FAM118A: variants seen among roughly 807,000 people sequenced by gnomAD.
FAM118A encodes SIR2 antiphage like 2, also known as protein FAM118A.
A neutral mutation model predicts 38.2 loss-of-function variants in FAM118A; 25 were observed. That is an observed-to-expected ratio of 0.65 (90% CI 0.48 to 0.91). FAM118A has a LOEUF of 0.91. Ranked by LOEUF, FAM118A falls within the 40% of genes least tolerant of loss-of-function variation. FAM118A has a pLI of 0.00. For missense variants in FAM118A, 425 were observed against 463.3 expected, an observed-to-expected ratio of 0.92 and a Z score of 0.76; for synonymous variants, 178 against 184.1, an observed-to-expected ratio of 0.97 and a Z score of 0.27.
intron 1 of FAM118A, among the ~76,000 whole-genome samples, chr22:45,312,860 T>G (rs908478037): frequency 6.6e-6 from 1 of 152,198 alleles, no homozygotes; most frequent in African/African-American, 2.4e-5. Context: ...TGTATTTATC[T>G]CTCAGGAAGC....
intron 6 of FAM118A, 34 bp downstream of exon 6, chr22:45,332,744 CTTTTTTCTTTT>C: frequency 6.8e-7 from 1 of 1,475,594 alleles, no homozygotes; most frequent in Non-Finnish European, 8.9e-7. Context: ...CTTTTTCTTT[CTTTTTTCTTTT>C]TTTTTTTTGA....
intron 1 of FAM118A, among the ~76,000 whole-genome samples, chr22:45,318,025 A>G (rs2146603649): frequency 6.6e-6 from 1 of 152,304 alleles, no homozygotes; most frequent in East Asian, 1.9e-4. Flanking sequence ...GTTGTGAGGT[A>G]CTTTGTTTTA....
chr22:45,325,771 G>A (rs2085217479), intron 3 of FAM118A, among the ~76,000 whole-genome samples: 1 of 152,152 alleles, frequency 6.6e-6, no homozygotes, highest in South Asian at 2.1e-4. Context: ...CATCCAAGCG[G>A]ACATGAGAAT....
chr22:45,325,020 C>T (rs191827352), intron 3 of FAM118A, among the ~76,000 whole-genome samples: 10 of 152,184 alleles, frequency 6.6e-5, no homozygotes, highest in African/African-American at 2.2e-4. Context: ...GCACTCTATC[C>T]TGGGCAACAA....
intron 8 of FAM118A, among the ~76,000 whole-genome samples, chr22:45,339,966 CTG>C (rs1416336093): frequency 6.6e-6 from 1 of 152,248 alleles, no homozygotes; most frequent in East Asian, 1.9e-4. Flanking sequence ...CTCCTGGCCT[CTG>C]TTGTACAGAA....
chr22:45,325,215 C>T (rs1360421569), intron 3 of FAM118A, among the ~76,000 whole-genome samples: 1 of 152,152 alleles, frequency 6.6e-6, no homozygotes, highest in Non-Finnish European at 1.5e-5. Flanking sequence ...GAATGAGAAT[C>T]GTTTGTCTTG....
At chr22:45,311,799 T>TG (rs1194904322) in intron 1 of FAM118A, among the ~76,000 whole-genome samples, 6 of 152,122 alleles carry the variant, frequency 3.9e-5, no homozygotes, top group African/African-American at 1.2e-4. Flanking sequence ...TGTGGCTTTC[T>TG]GGAACGGGGC....
chr22:45,333,773 A>G (rs1343698869), intron 6 of FAM118A, among the ~76,000 whole-genome samples: 3 of 151,904 alleles, frequency 2.0e-5, no homozygotes, highest in African/African-American at 7.3e-5. Context: ...CCCAGGAGTT[A>G]GAGACTGCAG....
At chr22:45,317,991 C>A (rs572554113) in intron 1 of FAM118A, among the ~76,000 whole-genome samples, 1 of 152,320 alleles carries the variant, frequency 6.6e-6, no homozygotes, top group East Asian at 1.9e-4. Flanking sequence ...AGGGGCGGGG[C>A]CATTAACATC....
chr22:45,324,290 C>T (rs2085095457), intron 3 of FAM118A, among the ~76,000 whole-genome samples: 1 of 152,198 alleles, frequency 6.6e-6, no homozygotes, highest in Non-Finnish European at 1.5e-5. Flanking sequence ...ACATGGTGGC[C>T]GGGCAGGGCC....
chr22:45,327,699 C>T (rs533560445), intron 3 of FAM118A, 143 bp from the exon 4 acceptor site: 1 of 779,726 alleles, frequency 1.3e-6, no homozygotes, highest in East Asian at 2.7e-5. Context: ...TCCCCCTGCT[C>T]TGGGGTTGCG....
intron 1 of FAM118A, among the ~76,000 whole-genome samples, chr22:45,311,341 G>A (rs910249848): frequency 9.9e-5 from 15 of 152,166 alleles, no homozygotes; most frequent in East Asian, 3.8e-4. Context: ...TGCTAACTGC[G>A]GAGAACCCAG....
intron 5 of FAM118A, among the ~76,000 whole-genome samples, chr22:45,331,675 C>T (rs973840809): frequency 1.3e-5 from 2 of 152,170 alleles, no homozygotes; most frequent in Non-Finnish European, 2.9e-5. Flanking sequence ...ATCCCTGGGC[C>T]GGTGTCATTC....
chr22:45,313,406 T>C (rs1003313524), intron 1 of FAM118A, among the ~76,000 whole-genome samples: 3 of 142,834 alleles, frequency 2.1e-5, no homozygotes, highest in Non-Finnish European at 4.5e-5. Flanking sequence ...CACTGCAACC[T>C]CTGCCTCCCA....
intron 3 of FAM118A, 32 bp from the exon 4 acceptor site, chr22:45,327,810 G>GT (rs1343458139): frequency 5.6e-6 from 9 of 1,610,542 alleles, no homozygotes; most frequent in Non-Finnish European, 7.6e-6. Flanking sequence ...AAGAGCTGAT[G>GT]TTTTGGTAAC....
intron 8 of FAM118A, among the ~76,000 whole-genome samples, chr22:45,337,029 G>A (rs1329210996): frequency 2.0e-5 from 3 of 152,192 alleles, no homozygotes; most frequent in Non-Finnish European, 2.9e-5. Flanking sequence ...TCGCTTGTTC[G>A]TGCCGGTCCC....
At position 45,311,525 on chromosome 22, in the gene FAM118A, G is replaced by A. The variant is rs910469829; in HGVS notation, c.-10+1342G>A. On this transcript the variant is annotated intron_variant, in intron 1 of 8. Coordinates refer to ENST00000441876, the MANE Select transcript of FAM118A (RefSeq NM_017911.4). ...TGGGAGAAGCTGGGACTTTTGCAGA[G>A]TACTGGGTTTGAGGTGGGAGTGACA... Among the ~76,000 whole-genome samples, 11 of 152,210 alleles carry A rather than the reference G, an allele frequency of 7.2e-5. 1 individual carries two copies. Among genetic ancestry groups the A allele is most frequent in the Admixed American group, 7.2e-4 (11 of 15,270 alleles).
intron 6 of FAM118A, among the ~76,000 whole-genome samples, chr22:45,334,832 G>A (rs186041261): frequency 3.5e-4 from 53 of 152,190 alleles, no homozygotes; most frequent in African/African-American, 1.1e-3. Context: ...GCCCCCGTCC[G>A]CCGCTTCTCA....
chr22:45,323,214 A>G lies in FAM118A; in HGVS notation c.87A>G (p.Glu29=), dbSNP rs1199250889. 1.9e-6 allele frequency: 3 copies of G among 1,613,710 alleles called. No individual in the cohort carries two copies. The highest frequency in any genetic ancestry group is 2.5e-6 in the Non-Finnish European group (3 of 1,179,756). ...LKSLIRKQPQ[E]LLLVIGTGVS... ...GCCTCATCCGGAAACAGCCCCAGGA[A>G]CTGCTCCTGGTTATCGGGACTGGCG... Residue 29 remains glutamate (E), a synonymous_variant, in exon 3 of 9, where the codon GAA becomes GAG. Transcript: ENST00000441876.
Sources: allele counts gnomAD v4.1 joint callset (sites outside exome capture counted in the v4.1 genomes callset), GRCh38; gene constraint gnomAD v4.1.1; transcripts MANE v1.5; gene names NCBI Gene and HGNC (gene_info 2026-07-23, HGNC 2026-07-21).